Variants in SEMA5A observed in about 807,000 individuals in gnomAD.
SEMA5A encodes semaphorin 5A, also known as semaphorin-5A.
SEMA5A carries 55 observed loss-of-function variants against 135.5 expected under a neutral mutation model. The ratio of observed to expected loss-of-function variants is 0.41; its 90% confidence interval spans 0.33 to 0.51. The LOEUF is 0.51. Ranked by LOEUF, SEMA5A falls within the 20% of genes least tolerant of loss-of-function variation. The pLI is 0.37. For missense variants in SEMA5A, 1,290 were observed against 1,419.9 expected, an observed-to-expected ratio of 0.91 and a Z score of 1.47; for synonymous variants, 580 against 546.5, an observed-to-expected ratio of 1.06 and a Z score of -0.85.
At position 9,525,069 on chromosome 5, in the gene SEMA5A, A is replaced by G. The variant is rs561227368; in HGVS notation, c.-175+20515T>C. On this transcript the variant is annotated intron_variant, in intron 1 of 22. Coordinates refer to ENST00000382496, the MANE Select transcript of SEMA5A (RefSeq NM_003966.3). ...TAGTTGACCTTTCTTGAACTACAAA[A>G]ATAGCTATTTCATATGGTTTAGGCC... is the stretch of plus-strand genomic sequence containing the variant. 1.8e-4 allele frequency among the ~76,000 whole-genome samples: 28 copies of G among 152,372 alleles called. No homozygotes were observed. In the South Asian group the frequency reaches 3.1e-3, roughly 17 times the overall value.
intron 5 of SEMA5A, among the ~76,000 whole-genome samples, chr5:9,252,326 T>G (rs1035209851): frequency 3.9e-5 from 6 of 152,182 alleles, no homozygotes; most frequent in African/African-American, 1.4e-4. Context: ...TCCCACCCTG[T>G]AATCTGAACT....
chr5:9,188,496 C>A (rs1579570163), intron 11 of SEMA5A, among the ~76,000 whole-genome samples: 1 of 152,226 alleles, frequency 6.6e-6, no homozygotes, highest in Non-Finnish European at 1.5e-5. Flanking sequence ...AGGTTGAGAC[C>A]TCAGGCTGCT....
chr5:9,416,198 C>G (rs985463610), intron 2 of SEMA5A, among the ~76,000 whole-genome samples: 10 of 152,154 alleles, frequency 6.6e-5, no homozygotes, highest in African/African-American at 2.2e-4. Context: ...CCAACCTTTA[C>G]TCAAGAAATT....
intron 5 of SEMA5A, among the ~76,000 whole-genome samples, chr5:9,266,288 G>C (rs1025579244): frequency 6.6e-6 from 1 of 152,044 alleles, no homozygotes; most frequent in Non-Finnish European, 1.5e-5. Flanking sequence ...AAGCACAAGT[G>C]AGCTTCTGTG....
intron 1 of SEMA5A, among the ~76,000 whole-genome samples, chr5:9,491,858 A>T (rs766104615): frequency 1.1e-4 from 16 of 152,222 alleles, no homozygotes; most frequent in Non-Finnish European, 2.1e-4. Flanking sequence ...CAATATATGC[A>T]TTGTAAGAAG....
At chr5:9,142,305 T>G (rs1030625716) in intron 12 of SEMA5A, among the ~76,000 whole-genome samples, 1 of 152,132 alleles carries the variant, frequency 6.6e-6, no homozygotes, top group Admixed American at 6.5e-5. Flanking sequence ...AGAACCTTTT[T>G]GCAGAGAGAT....
At chr5:9,360,149 C>T (rs1166832715) in intron 3 of SEMA5A, among the ~76,000 whole-genome samples, 8 of 152,140 alleles carry the variant, frequency 5.3e-5, no homozygotes, top group Admixed American at 2.6e-4. Flanking sequence ...AGGTATTAAC[C>T]TCTGCAGTAG....
At chr5:9,175,563 T>C (rs886367636) in intron 11 of SEMA5A, among the ~76,000 whole-genome samples, 8 of 152,180 alleles carry the variant, frequency 5.3e-5, no homozygotes, top group African/African-American at 1.2e-4. Context: ...ATACAACATA[T>C]GGCATCTTCC....
chr5:9,345,610 A>C (rs138105134), intron 3 of SEMA5A, among the ~76,000 whole-genome samples: 1 of 151,914 alleles, frequency 6.6e-6, no homozygotes, highest in Non-Finnish European at 1.5e-5. Flanking sequence ...ATTTTAAATG[A>C]CCAAAATTAT....
chr5:9,388,622 G>A (rs765139910), intron 2 of SEMA5A, among the ~76,000 whole-genome samples: 79 of 152,234 alleles, frequency 5.2e-4, no homozygotes, highest in Non-Finnish European at 7.5e-4. Flanking sequence ...GTTATAGGCC[G>A]CGCGTGGTGG....
intron 2 of SEMA5A, among the ~76,000 whole-genome samples, chr5:9,408,853 T>A (rs1189955231): frequency 6.6e-6 from 1 of 152,126 alleles, no homozygotes; most frequent in African/African-American, 2.4e-5. Context: ...TTAAATGTCA[T>A]AGAGTCTAAG....
At chr5:9,252,190 C>T (rs929777745) in intron 5 of SEMA5A, among the ~76,000 whole-genome samples, 4 of 152,066 alleles carry the variant, frequency 2.6e-5, no homozygotes, top group Admixed American at 2.0e-4. Flanking sequence ...GGTGGGAAAG[C>T]GGGGAATGAA....
chr5:9,434,822 C>T (rs1197908747), intron 2 of SEMA5A, among the ~76,000 whole-genome samples: 1 of 152,086 alleles, frequency 6.6e-6, no homozygotes, highest in Non-Finnish European at 1.5e-5. Flanking sequence ...GGCATGTCTC[C>T]AAAACTTCTG....
At chr5:9,330,934 A>G (rs1305618581) in intron 4 of SEMA5A, among the ~76,000 whole-genome samples, 1 of 152,206 alleles carries the variant, frequency 6.6e-6, no homozygotes, top group Non-Finnish European at 1.5e-5. Context: ...GCTTGTCTTA[A>G]GTCATAATTA....
At chr5:9,359,150 C>T (rs921927382) in intron 3 of SEMA5A, among the ~76,000 whole-genome samples, 17 of 152,070 alleles carry the variant, frequency 1.1e-4, no homozygotes, top group African/African-American at 3.9e-4. Context: ...AGCAGCTCCT[C>T]CCCCCACCAG....
chr5:9,220,939 C>T (rs566046896), intron 8 of SEMA5A, among the ~76,000 whole-genome samples: 3 of 152,218 alleles, frequency 2.0e-5, no homozygotes, highest in South Asian at 2.1e-4. Context: ...TTAAGACTGC[C>T]GTCCTCAACA....
At chr5:9,464,669 A>G (rs549363685) in intron 1 of SEMA5A, among the ~76,000 whole-genome samples, 42 of 152,318 alleles carry the variant, frequency 2.8e-4, no homozygotes, top group African/African-American at 9.4e-4. Flanking sequence ...CTTGGATGCC[A>G]TCTGCCGGCA....
At chr5:9,046,584 T>G (rs1736268763) in intron 21 of SEMA5A, among the ~76,000 whole-genome samples, 1 of 152,184 alleles carries the variant, frequency 6.6e-6, no homozygotes, top group Non-Finnish European at 1.5e-5. Flanking sequence ...CATGCAACCC[T>G]CCAGTGGCTG....
chr5:9,348,841 C>A (rs373158929), intron 3 of SEMA5A, among the ~76,000 whole-genome samples: 10 of 152,164 alleles, frequency 6.6e-5, no homozygotes, highest in African/African-American at 2.4e-4. Context: ...TGCAGAGGAA[C>A]GTGCCAGAGA....
Sources: gnomAD v4.1 joint callset for allele counts (sites outside exome capture counted in the v4.1 genomes callset) on GRCh38, gnomAD v4.1.1 for gene constraint, MANE v1.5 for transcripts, NCBI Gene and HGNC (gene_info 2026-07-23, HGNC 2026-07-21) for gene names.